Variants in ASIC2 observed in about 807,000 individuals in gnomAD.
ASIC2 encodes acid-sensing ion channel 2.
ASIC2 carries 25 observed loss-of-function variants against 57.3 expected under a neutral mutation model. The ratio of observed to expected loss-of-function variants is 0.44; its 90% CI spans 0.32 to 0.61. The LOEUF is 0.61. Ranked by LOEUF, ASIC2 falls within the 20% of genes least tolerant of loss-of-function variation. ASIC2 has a pLI of 0.06. For missense variants in ASIC2, 641 were observed against 738.1 expected (o/e 0.87, Z 1.52); for synonymous variants, 319 against 307.5 (o/e 1.04, Z -0.39).
intron 1 of ASIC2, among the ~76,000 whole-genome samples, chr17:33,459,849 C>A (rs1293025233): frequency 1.3e-5 from 2 of 152,258 alleles, no homozygotes; most frequent in Non-Finnish European, 2.9e-5. Context: ...GGGGCAATTG[C>A]CAGAAGTGAT....
chr17:33,132,183 A>C (rs545648235), intron 1 of ASIC2, among the ~76,000 whole-genome samples: 60 of 152,304 alleles, frequency 3.9e-4, no homozygotes, highest in South Asian at 2.1e-3. Context: ...ATATTTTGGC[A>C]CACATACTAT....
intron 1 of ASIC2, among the ~76,000 whole-genome samples, chr17:33,707,519 TA>T (rs1358902628): frequency 1.3e-5 from 2 of 152,236 alleles, no homozygotes; most frequent in African/African-American, 4.8e-5. Context: ...TTCATAATTT[TA>T]ATCTCTAGGA....
chr17:34,086,052 G>A (rs1338540738), intron 1 of ASIC2, among the ~76,000 whole-genome samples: 5 of 151,046 alleles, frequency 3.3e-5, no homozygotes, highest in East Asian at 1.9e-4. Context: ...GTTCTGCTCT[G>A]ATTTTAGTTA....
intron 1 of ASIC2, among the ~76,000 whole-genome samples, chr17:33,176,180 C>A (rs1905749903): frequency 6.6e-6 from 1 of 152,172 alleles, no homozygotes; most frequent in Admixed American, 6.5e-5. Context: ...GGGCAGACAG[C>A]ATCCTGTGGG....
At chr17:33,031,889 T>C (rs1313113881) in intron 3 of ASIC2, among the ~76,000 whole-genome samples, 1 of 152,238 alleles carries the variant, frequency 6.6e-6, no homozygotes, top group Non-Finnish European at 1.5e-5. Flanking sequence ...TTACTTTGCA[T>C]GATAACAGAC....
intron 1 of ASIC2, among the ~76,000 whole-genome samples, chr17:33,773,656 GT>G (rs113663094): frequency 0.16 from 21,218 of 136,654 alleles, 1,618 homozygotes; most frequent in African/African-American, 0.23. Context: ...TAGTCTCTCT[GT>G]TTTTTTTTTT....
intron 1 of ASIC2, among the ~76,000 whole-genome samples, chr17:33,168,213 T>C (rs1041983000): frequency 6.6e-6 from 1 of 152,230 alleles, no homozygotes; most frequent in African/African-American, 2.4e-5. Context: ...TAAACTTTAG[T>C]TCTTTATAAA....
At chr17:34,051,637 T>A (rs1025258342) in intron 1 of ASIC2, 1 of 152,194 alleles carries the variant, frequency 6.6e-6, no homozygotes, top group African/African-American at 2.4e-5. Context: ...ACACAAGGTC[T>A]GACATTTAAT....
At chr17:33,841,497 C>A (rs934933055) in intron 1 of ASIC2, among the ~76,000 whole-genome samples, 27 of 152,322 alleles carry the variant, frequency 1.8e-4, no homozygotes, top group African/African-American at 6.3e-4. Context: ...GTGCACATCC[C>A]AGGTTCAGAA....
intron 1 of ASIC2, among the ~76,000 whole-genome samples, chr17:33,943,879 T>G (rs1167751223): frequency 6.6e-6 from 1 of 151,998 alleles, no homozygotes; most frequent in East Asian, 1.9e-4. Flanking sequence ...ATTCAGGGAG[T>G]TCTGTGCTTG....
chr17:33,036,607 CTT>C (rs34411330), intron 3 of ASIC2, among the ~76,000 whole-genome samples: 11 of 150,900 alleles, frequency 7.3e-5, no homozygotes, highest in African/African-American at 1.9e-4. Flanking sequence ...ATTTTTTGAA[CTT>C]TTTTTTTTGG....
intron 3 of ASIC2, among the ~76,000 whole-genome samples, chr17:33,047,297 C>T (rs573986603): frequency 6.6e-6 from 1 of 152,222 alleles, no homozygotes; most frequent in South Asian, 2.1e-4. Context: ...TACTGGGGCA[C>T]ATGTCTCACA....
intron 1 of ASIC2, among the ~76,000 whole-genome samples, chr17:33,946,161 C>A (rs965772368): frequency 6.6e-6 from 1 of 152,200 alleles, no homozygotes; most frequent in African/African-American, 2.4e-5. Flanking sequence ...GCGGCCACTG[C>A]AGCTCAAGAT....
intron 1 of ASIC2, among the ~76,000 whole-genome samples, chr17:33,728,917 C>G (rs1402237477): frequency 2.6e-5 from 4 of 152,120 alleles, no homozygotes; most frequent in Non-Finnish European, 5.9e-5. Flanking sequence ...CTCTCAACAG[C>G]AGGGTACACA....
At chr17:33,734,248 G>A (rs2142093040) in intron 1 of ASIC2, among the ~76,000 whole-genome samples, 1 of 150,510 alleles carries the variant, frequency 6.6e-6, no homozygotes, top group Non-Finnish European at 1.5e-5. Flanking sequence ...CTTCCCTCCT[G>A]TGTTCCTGTG....
At chr17:33,594,594 T>G (rs943915257) in intron 1 of ASIC2, among the ~76,000 whole-genome samples, 1 of 152,080 alleles carries the variant, frequency 6.6e-6, no homozygotes, top group African/African-American at 2.4e-5. Flanking sequence ...TGTGGGAGGC[T>G]GAGGCAGGCG....
At chr17:33,045,672 G>A (rs2091951465) in intron 3 of ASIC2, among the ~76,000 whole-genome samples, 1 of 152,162 alleles carries the variant, frequency 6.6e-6, no homozygotes, top group Admixed American at 6.5e-5. Flanking sequence ...TGCCAGTGCT[G>A]TTGGGATCCT....
intron 1 of ASIC2, among the ~76,000 whole-genome samples, chr17:33,930,406 T>A (rs551765798): frequency 4.1e-4 from 63 of 152,298 alleles, no homozygotes; most frequent in Admixed American, 2.6e-3. Context: ...GTGCCACCCT[T>A]TCACAACCCT....
chr17:33,685,342 C>T (rs1908151802), intron 1 of ASIC2, among the ~76,000 whole-genome samples: 1 of 152,210 alleles, frequency 6.6e-6, no homozygotes, highest in South Asian at 2.1e-4. Flanking sequence ...CCTCGCGCTC[C>T]TCCATCCATC....
Sources: gnomAD v4.1 joint callset for allele counts (sites outside exome capture counted in the v4.1 genomes callset) on GRCh38, gnomAD v4.1.1 for gene constraint, MANE v1.5 for transcripts, NCBI Gene and HGNC (gene_info 2026-07-23, HGNC 2026-07-21) for gene names.